PCDH15: variants seen among roughly 807,000 people sequenced by gnomAD.
PCDH15 encodes the protein protocadherin-15.
PCDH15 carries 129 observed loss-of-function variants against 178.5 expected under a neutral mutation model. The observed-to-expected ratio is 0.72, with a 90% CI of 0.63 to 0.84. The LOEUF (loss-of-function observed/expected upper bound fraction) is 0.84, where lower values mean the gene tolerates loss of function less well. Ranked by LOEUF, PCDH15 falls within the 40% of genes least tolerant of loss-of-function variation. The pLI, the probability that PCDH15 is intolerant of heterozygous loss-of-function variation, is 0.00. For synonymous variants in PCDH15, 800 were observed against 732.0 expected, an observed-to-expected ratio of 1.09 and a Z score of -1.50; for missense variants, 2,230 against 2,099.9, an observed-to-expected ratio of 1.06 and a Z score of -1.21.
intron 2 of PCDH15, among the ~76,000 whole-genome samples, chr10:55,496,411 A>C (rs1323314913): frequency 6.6e-6 from 1 of 151,912 alleles, no homozygotes; most frequent in Admixed American, 6.6e-5. Flanking sequence ...TGATTTCATA[A>C]AATTTCAGCC....
intron 2 of PCDH15, among the ~76,000 whole-genome samples, chr10:54,913,405 C>T (rs1462682631): frequency 1.3e-5 from 2 of 152,320 alleles, no homozygotes; most frequent in African/African-American, 2.4e-5. Flanking sequence ...GAGGGCAAGA[C>T]TTGAGTCTTG....
chr10:55,618,774 T>C (rs1307384793), intron 2 of PCDH15, among the ~76,000 whole-genome samples: 1 of 152,004 alleles, frequency 6.6e-6, no homozygotes, highest in African/African-American at 2.4e-5. Flanking sequence ...CCTTGTACAA[T>C]TGCCCAGTAT....
chr10:54,790,132 T>C (rs1370247132), intron 1 of PCDH15, among the ~76,000 whole-genome samples: 1 of 151,832 alleles, frequency 6.6e-6, no homozygotes, highest in East Asian at 1.9e-4. Flanking sequence ...AGATTTTATT[T>C]TCTGAAGAAA....
At chr10:55,142,729 C>T (rs1838389275) in intron 2 of PCDH15, among the ~76,000 whole-genome samples, 1 of 151,170 alleles carries the variant, frequency 6.6e-6, no homozygotes, top group South Asian at 2.1e-4. Flanking sequence ...CTGAATAAAA[C>T]TCAGGTTCAG....
At chr10:54,055,845 T>A (rs2093874680) in intron 18 of PCDH15, among the ~76,000 whole-genome samples, 1 of 152,254 alleles carries the variant, frequency 6.6e-6, no homozygotes, top group Admixed American at 6.5e-5. Flanking sequence ...CTGAAATAGA[T>A]CTTTATCTTC....
intron 2 of PCDH15, among the ~76,000 whole-genome samples, chr10:54,968,162 A>G (rs1200434642): frequency 6.6e-6 from 1 of 152,160 alleles, no homozygotes; most frequent in Non-Finnish European, 1.5e-5. Flanking sequence ...ATATATGTAC[A>G]TAACTGTTCA....
intron 5 of PCDH15, among the ~76,000 whole-genome samples, chr10:54,368,308 C>T: frequency 6.6e-6 from 1 of 151,480 alleles, no homozygotes; most frequent in East Asian, 1.9e-4. Context: ...AGCAGGCATG[C>T]AAATTTTTAA....
chr10:55,424,599 T>C (rs1838706178), intron 2 of PCDH15, among the ~76,000 whole-genome samples: 1 of 152,172 alleles, frequency 6.6e-6, no homozygotes, highest in South Asian at 2.1e-4. Context: ...ATTTGCTACA[T>C]GTCTTCAAAA....
At chr10:54,178,000 G>A (rs1003374864) in intron 13 of PCDH15, among the ~76,000 whole-genome samples, 2 of 152,000 alleles carry the variant, frequency 1.3e-5, no homozygotes, top group African/African-American at 4.8e-5. Flanking sequence ...GGTGATGATT[G>A]AAAACTTGAG....
intron 15 of PCDH15, among the ~76,000 whole-genome samples, chr10:54,109,675 G>T (rs2094979629): frequency 6.6e-6 from 1 of 152,140 alleles, no homozygotes; most frequent in Non-Finnish European, 1.5e-5. Flanking sequence ...GTAGAGGGAT[G>T]GTTCCCAAAG....
chr10:55,546,446 A>G (rs1841884142), intron 2 of PCDH15, among the ~76,000 whole-genome samples: 1 of 152,172 alleles, frequency 6.6e-6, no homozygotes, highest in Non-Finnish European at 1.5e-5. Context: ...GCTCTGAATT[A>G]TTAACTTTAT....
At chr10:54,225,012 T>C (rs1392539739) in intron 9 of PCDH15, among the ~76,000 whole-genome samples, 3 of 152,142 alleles carry the variant, frequency 2.0e-5, no homozygotes, top group Non-Finnish European at 4.4e-5. Flanking sequence ...TTTTACATAT[T>C]ATTAGGGAAA....
At chr10:53,986,172 A>AC (rs927023258) in intron 21 of PCDH15, among the ~76,000 whole-genome samples, 2 of 152,182 alleles carry the variant, frequency 1.3e-5, no homozygotes, top group Non-Finnish European at 2.9e-5. Context: ...TTTCAAAAAA[A>AC]AACAACAACA....
intron 3 of PCDH15, chr10:54,452,295 T>G (rs2076528327): frequency 6.6e-6 from 1 of 152,012 alleles, no homozygotes; most frequent in African/African-American, 2.4e-5. Flanking sequence ...ATCAAAATTT[T>G]GAGGTTATAT....
intron 2 of PCDH15, chr10:55,596,978 G>C (rs960404600): frequency 6.6e-6 from 1 of 152,112 alleles, no homozygotes; most frequent in Non-Finnish European, 1.5e-5. Flanking sequence ...AGGGTGGAGA[G>C]ACAACCTACA....
intron 1 of PCDH15, among the ~76,000 whole-genome samples, chr10:54,707,838 A>G (rs571607389): frequency 6.6e-6 from 1 of 152,316 alleles, no homozygotes; most frequent in African/African-American, 2.4e-5. Context: ...CTAAAAGAAT[A>G]AAGAAACCCA....
chr10:55,388,858 T>C (rs1047660430), intron 2 of PCDH15, among the ~76,000 whole-genome samples: 1 of 151,998 alleles, frequency 6.6e-6, no homozygotes, highest in East Asian at 1.9e-4. Context: ...CTTTAATGTC[T>C]CCCCCATCAT....
rs1289953015 is a variant in PCDH15, at chr10:55,106,374, A to T, written c.-80+60202T>A. Among the ~76,000 whole-genome samples, 4 of 152,234 alleles carry T rather than the reference A, an allele frequency of 2.6e-5. No homozygotes were observed. The South Asian group carries it at 8.3e-4, about 31-fold the overall frequency. ...TTGACATAAACTATAGAATAAGAAGATATGAAACAAACATAAATATACATT... is the reference window on the plus strand; with the variant it reads ...TTGACATAAACTATAGAATAAGAAGTTATGAAACAAACATAAATATACATT... On this transcript the variant is annotated intron_variant, in intron 2 of 5. Coordinates refer to the PCDH15 transcript ENST00000458638.
At chr10:54,240,562 G>T (rs1453502968) in intron 8 of PCDH15, among the ~76,000 whole-genome samples, 1 of 150,964 alleles carries the variant, frequency 6.6e-6, no homozygotes, top group Admixed American at 6.6e-5. Flanking sequence ...AATAACAGAT[G>T]GTGTGTTGGC....
Sources: gnomAD v4.1 joint callset for allele counts (sites outside exome capture counted in the v4.1 genomes callset) on GRCh38, gnomAD v4.1.1 for gene constraint, MANE v1.5 for transcripts, NCBI Gene and HGNC (gene_info 2026-07-23, HGNC 2026-07-21) for gene names.